CYP19A1: variants seen among roughly 807,000 people sequenced by gnomAD.
The protein encoded by CYP19A1 is aromatase.
CYP19A1 carries 32 observed loss-of-function variants against 44.4 expected under a neutral mutation model. The ratio of observed to expected loss-of-function variants is 0.72; its 90% CI spans 0.54 to 0.97. The LOEUF is 0.97. Among genes scored for constraint, CYP19A1 ranks in the 50% least tolerant of loss-of-function variants. The probability of loss-of-function intolerance (pLI) is 0.00; values close to 1 mark genes in which losing one functional copy is unlikely to be tolerated. For missense variants in CYP19A1, 598 were observed against 637.8 expected, an observed-to-expected ratio of 0.94 and a Z score of 0.67; for synonymous variants, 212 against 215.6, an observed-to-expected ratio of 0.98 and a Z score of 0.14.
chr15:51,326,305 A>G (rs2036607688), intron 1 of CYP19A1, among the ~76,000 whole-genome samples: 1 of 152,198 alleles, frequency 6.6e-6, no homozygotes, highest in African/African-American at 2.4e-5. Context: ...AAGTGGCCAG[A>G]GGCGAAGCTC....
chr15:51,280,343 C>A (rs2035476341), intron 1 of CYP19A1, among the ~76,000 whole-genome samples: 1 of 152,006 alleles, frequency 6.6e-6, no homozygotes, highest in Non-Finnish European at 1.5e-5. Flanking sequence ...CGTGATCCAC[C>A]CCCCTTGGCC....
At chr15:51,327,492 C>CTT (rs749237607) in intron 1 of CYP19A1, among the ~76,000 whole-genome samples, 3 of 143,738 alleles carry the variant, frequency 2.1e-5, no homozygotes, top group Non-Finnish European at 1.5e-5. Context: ...TGACATTGTT[C>CTT]TTTTTTTTTT....
At chr15:51,236,832 T>C (rs1024385621) in intron 3 of CYP19A1, 27 bp downstream of exon 3, 5 of 1,613,638 alleles carry the variant, frequency 3.1e-6, no homozygotes, top group Non-Finnish European at 4.2e-6. Flanking sequence ...ATTTAAAAAG[T>C]ATGTCTTCGA....
At position 51,218,529 on chromosome 15, in the gene CYP19A1, T is replaced by C; in HGVS notation, c.743+12A>G. On this transcript the variant is annotated intron_variant, in intron 6 of 9. Transcript: ENST00000396402. ...ATTGTACTCATAAATCTTCCAAAGT[T>C]GTATTACTTACACAGACTTCTCATA... 1 of 1,609,248 alleles carries C rather than the reference T, an allele frequency of 6.2e-7. No homozygotes were observed. The highest frequency in any genetic ancestry group is 8.5e-7 in the Non-Finnish European group (1 of 1,177,500).
intron 1 of CYP19A1, among the ~76,000 whole-genome samples, chr15:51,286,581 T>C (rs914842568): frequency 6.6e-6 from 1 of 152,134 alleles, no homozygotes; most frequent in Admixed American, 6.5e-5. Flanking sequence ...CCAAAGCCCA[T>C]GGTGTAAGGA....
At chr15:51,247,171 G>A (rs12591359) in intron 1 of CYP19A1, among the ~76,000 whole-genome samples, 62,409 of 151,802 alleles carry the variant, frequency 0.41, 13,033 homozygotes, top group East Asian at 0.6. Flanking sequence ...TTATTCCTCC[G>A]TCAGCCCCCA....
intron 1 of CYP19A1, among the ~76,000 whole-genome samples, chr15:51,272,293 A>G (rs565381392): frequency 1.3e-5 from 2 of 152,358 alleles, no homozygotes; most frequent in South Asian, 4.1e-4. Flanking sequence ...CCCAAAGAGC[A>G]GAAGTTCTCA....
intron 1 of CYP19A1, among the ~76,000 whole-genome samples, chr15:51,245,913 G>T (rs1010248509): frequency 6.6e-6 from 1 of 152,236 alleles, no homozygotes. Flanking sequence ...GGCCTAGGTG[G>T]TCTGTCTCCA....
At position 51,305,354 on chromosome 15, in the gene CYP19A1, G is replaced by A. The variant is rs2036195424; in HGVS notation, c.-39+33141C>T. On this transcript the variant is annotated intron_variant, in intron 1 of 9. Transcript: ENST00000396402. ...GAAACTCAGCTAGCAGAGAAGAATG[G>A]AGAAAGTGGTCATAACGTTATGATT... 2.6e-5 allele frequency among the ~76,000 whole-genome samples: 4 copies of A among 152,290 alleles called. No individual in the cohort carries two copies. The South Asian group carries it at 8.3e-4, about 32-fold the overall frequency.
At chr15:51,323,503 T>C (rs553451935) in intron 1 of CYP19A1, among the ~76,000 whole-genome samples, 1 of 152,226 alleles carries the variant, frequency 6.6e-6, no homozygotes, top group African/African-American at 2.4e-5. Context: ...TACTTTTTTT[T>C]TTTTTTCCAA....
Position 51,208,327 on chromosome 15 carries a change from A to G in CYP19A1, c.*2481T>C, listed in dbSNP as rs1287340133. 1 of 152,158 alleles carries G rather than the reference A, an allele frequency of 6.6e-6. No individual in the cohort carries two copies. The highest frequency in any genetic ancestry group is 1.5e-5 in the Non-Finnish European group (1 of 68,014). The allele number at this position is 152,158 out of a possible 1,614,324, so 9.4% of individuals were successfully genotyped here. A position where few individuals can be genotyped will look rare whatever the true frequency, so the allele number is the denominator to read the frequency against. ...GAGGGGGAAAATGGGATCTCAATGAAGGCATGGGGGTGTCTAGCATGCCCA... is the reference window on the plus strand; with the variant it reads ...GAGGGGGAAAATGGGATCTCAATGAGGGCATGGGGGTGTCTAGCATGCCCA... On this transcript the variant is annotated 3_prime_UTR_variant, in exon 10 of 10. Transcript: ENST00000396402.
intron 1 of CYP19A1, among the ~76,000 whole-genome samples, chr15:51,296,752 G>A (rs149750375): frequency 1.3e-5 from 2 of 152,156 alleles, no homozygotes; most frequent in East Asian, 3.9e-4. Flanking sequence ...TAAAAATGGT[G>A]TTCTTAGTGG....
At chr15:51,310,084 G>A (rs549844479) in intron 1 of CYP19A1, among the ~76,000 whole-genome samples, 26 of 152,304 alleles carry the variant, frequency 1.7e-4, no homozygotes, top group African/African-American at 5.8e-4. Context: ...GATTCTGTCC[G>A]TGAAAGTCCT....
intron 1 of CYP19A1, among the ~76,000 whole-genome samples, chr15:51,309,917 A>T (rs2141011081): frequency 6.6e-6 from 1 of 152,292 alleles, no homozygotes; most frequent in African/African-American, 2.4e-5. Context: ...TGTCTCCAGG[A>T]TATAGCATAT....
At chr15:51,211,780 G>A (rs2031017431) in intron 9 of CYP19A1, 1 of 342,084 alleles carries the variant, frequency 2.9e-6, no homozygotes, top group South Asian at 2.2e-5. Flanking sequence ...GGAATCTGTA[G>A]TACACATCAA....
intron 1 of CYP19A1, among the ~76,000 whole-genome samples, chr15:51,267,916 C>T (rs1249027920): frequency 6.6e-6 from 1 of 152,182 alleles, no homozygotes; most frequent in Non-Finnish European, 1.5e-5. Context: ...AACTGGTTGG[C>T]ACTAGGCATT....
chr15:51,264,886 G>T (rs2034860933), intron 1 of CYP19A1, among the ~76,000 whole-genome samples: 1 of 152,190 alleles, frequency 6.6e-6, no homozygotes, highest in Non-Finnish European at 1.5e-5. Flanking sequence ...TGCTTTCCAG[G>T]TCATGGTTTC....
intron 1 of CYP19A1, 186 bp from the exon 2 acceptor site, chr15:51,243,136 C>T (rs1222449884): frequency 3.7e-6 from 2 of 543,160 alleles, no homozygotes; most frequent in African/African-American, 3.8e-5. Context: ...GATCTTTTGG[C>T]TTGAATTGCA....
intron 1 of CYP19A1, among the ~76,000 whole-genome samples, chr15:51,301,095 G>A (rs1176516260): frequency 6.6e-6 from 1 of 152,210 alleles, no homozygotes; most frequent in Non-Finnish European, 1.5e-5. Context: ...CATTAAAGAG[G>A]TATTTCGCTG....
Sources: allele counts gnomAD v4.1 joint callset (sites outside exome capture counted in the v4.1 genomes callset), GRCh38; gene constraint gnomAD v4.1.1; transcripts MANE v1.5; gene names NCBI Gene and HGNC (gene_info 2026-07-23, HGNC 2026-07-21).